The following PTPRT variants were observed in gnomAD, a reference collection of about 807,000 sequenced individuals.
PTPRT encodes the protein receptor-type tyrosine-protein phosphatase T.
A neutral mutation model predicts 176.8 loss-of-function variants in PTPRT; 56 were observed. The ratio of observed to expected loss-of-function variants is 0.32; its 90% CI spans 0.26 to 0.40. The LOEUF (loss-of-function observed/expected upper bound fraction) is 0.40. PTPRT is among the 10% of genes least tolerant of loss of function. The pLI is 1.00. For missense variants in PTPRT, 1,540 were observed against 1,908.2 expected, an observed-to-expected ratio of 0.81 and a Z score of 3.60; for synonymous variants, 783 against 739.0, an observed-to-expected ratio of 1.06 and a Z score of -0.96.
rs527521791 is a variant in PTPRT at position 42,408,032 on chromosome 20, CATGT to C, written c.1560+40184_1560+40187del. ...CCTGAACAAATTTTTTAAAATACCACATGTATGAATGAGCAAACTCAATATTATA... is the reference window on the plus strand; with the variant it reads ...CCTGAACAAATTTTTTAAAATACCACATGAATGAGCAAACTCAATATTATA... On this transcript the variant is annotated intron_variant, in intron 9 of 30. Coordinates refer to ENST00000373187, the MANE Select transcript of PTPRT (RefSeq NM_007050.6). Among the ~76,000 whole-genome samples the C allele has an allele frequency of 7.2e-5, 11 of 152,148 alleles. No homozygotes were observed. In the East Asian group the frequency reaches 2.1e-3, roughly 29 times the overall value.
chr20:42,657,064 T>C (rs1005410440), intron 7 of PTPRT, among the ~76,000 whole-genome samples: 2 of 152,132 alleles, frequency 1.3e-5, no homozygotes, highest in Admixed American at 1.3e-4. Flanking sequence ...GCCCCCATCC[T>C]GTTCTTGTGA....
At chr20:42,733,562 G>A (rs1049007992) in intron 6 of PTPRT, among the ~76,000 whole-genome samples, 1 of 152,190 alleles carries the variant, frequency 6.6e-6, no homozygotes, top group African/African-American at 2.4e-5. Flanking sequence ...TCGAACTGGA[G>A]CTGGCTGGGG....
At chr20:42,092,446 A>G (rs1282923027) in intron 27 of PTPRT, among the ~76,000 whole-genome samples, 1 of 152,246 alleles carries the variant, frequency 6.6e-6, no homozygotes, top group African/African-American at 2.4e-5. Context: ...TCTAGGTTAT[A>G]GTAATCTAAC....
intron 7 of PTPRT, among the ~76,000 whole-genome samples, chr20:42,505,332 C>G (rs886368961): frequency 6.6e-6 from 1 of 152,028 alleles, no homozygotes; most frequent in Non-Finnish European, 1.5e-5. Context: ...GATGGAGTCC[C>G]GCTCTGTCTC....
intron 11 of PTPRT, among the ~76,000 whole-genome samples, chr20:42,323,517 A>G (rs911619525): frequency 3.3e-5 from 5 of 152,032 alleles, no homozygotes; most frequent in Admixed American, 6.6e-5. Context: ...AGGACAAAAA[A>G]CCAAACACCG....
intron 9 of PTPRT, among the ~76,000 whole-genome samples, chr20:42,377,273 T>G (rs572448543): frequency 3.3e-5 from 5 of 152,152 alleles, no homozygotes; most frequent in Non-Finnish European, 7.4e-5. Flanking sequence ...ACCCCTGAGC[T>G]CAGGGTACAT....
intron 15 of PTPRT, among the ~76,000 whole-genome samples, chr20:42,231,690 G>T (rs1287721073): frequency 6.6e-6 from 1 of 152,142 alleles, no homozygotes; most frequent in Non-Finnish European, 1.5e-5. Flanking sequence ...GCCAAATCTG[G>T]CTCACTGCTT....
At chr20:42,510,977 T>C (rs1412576077) in intron 7 of PTPRT, among the ~76,000 whole-genome samples, 4 of 152,108 alleles carry the variant, frequency 2.6e-5, no homozygotes, top group African/African-American at 9.7e-5. Context: ...GGCTCTGCCC[T>C]GATGAATAGA....
intron 7 of PTPRT, among the ~76,000 whole-genome samples, chr20:42,642,154 G>T (rs1212351964): frequency 6.6e-6 from 1 of 152,166 alleles, no homozygotes; most frequent in East Asian, 1.9e-4. Flanking sequence ...CTGCAAGGCT[G>T]CCACTAAGAA....
chr20:42,938,358 C>G (rs1465652967), intron 1 of PTPRT, among the ~76,000 whole-genome samples: 1 of 152,222 alleles, frequency 6.6e-6, no homozygotes, highest in Admixed American at 6.5e-5. Context: ...TCCACCGAAG[C>G]ACCATTTTCT....
chr20:42,235,224 T>C (rs924288804), intron 15 of PTPRT, among the ~76,000 whole-genome samples: 2 of 152,004 alleles, frequency 1.3e-5, no homozygotes, highest in Non-Finnish European at 2.9e-5. Context: ...TACTATCATG[T>C]TTTGAGCATC....
chr20:42,681,284 C>T (rs938720326), intron 6 of PTPRT, among the ~76,000 whole-genome samples: 1 of 152,130 alleles, frequency 6.6e-6, no homozygotes. Flanking sequence ...AAAAGGAAAC[C>T]CCTGTGTATC....
chr20:42,417,193 A>T (rs2059074178), intron 9 of PTPRT, among the ~76,000 whole-genome samples: 1 of 152,136 alleles, frequency 6.6e-6, no homozygotes, highest in African/African-American at 2.4e-5. Context: ...TTGAGTAATG[A>T]TTCAAATTCA....
At chr20:42,036,069 A>C in the PTPRT span, among the ~76,000 whole-genome samples, 1 of 152,220 alleles carries the variant, frequency 6.6e-6, no homozygotes. Flanking sequence ...GTCCGACTGT[A>C]GCCTTCTGAG....
At chr20:42,921,147 G>A (rs990471895) in intron 1 of PTPRT, among the ~76,000 whole-genome samples, 1 of 152,202 alleles carries the variant, frequency 6.6e-6, no homozygotes, top group African/African-American at 2.4e-5. Context: ...ATGACAAGCA[G>A]GGGCTGGACA....
chr20:42,973,984 G>A (rs1228357166), intron 1 of PTPRT, among the ~76,000 whole-genome samples: 3 of 152,046 alleles, frequency 2.0e-5, no homozygotes, highest in Non-Finnish European at 2.9e-5. Flanking sequence ...AGAGTATTTG[G>A]GGAGACAGCT....
intron 16 of PTPRT, among the ~76,000 whole-genome samples, chr20:42,188,579 T>C (rs1328695310): frequency 1.3e-5 from 2 of 152,164 alleles, no homozygotes; most frequent in African/African-American, 2.4e-5. Context: ...AGTAGAATTA[T>C]TATCTATGTT....
At chr20:42,583,765 T>C (rs764551659) in intron 7 of PTPRT, among the ~76,000 whole-genome samples, 49 of 152,252 alleles carry the variant, frequency 3.2e-4, no homozygotes, top group Admixed American at 2.7e-3. Flanking sequence ...TAAACCTATA[T>C]AATATATTTA....
At chr20:42,031,970 T>A in the PTPRT span, among the ~76,000 whole-genome samples, 2 of 152,160 alleles carry the variant, frequency 1.3e-5, no homozygotes, top group South Asian at 4.1e-4. Flanking sequence ...TTATCACAAT[T>A]TTATAGATGA....
Sources: gnomAD v4.1 joint callset for allele counts (sites outside exome capture counted in the v4.1 genomes callset) on GRCh38, gnomAD v4.1.1 for gene constraint, MANE v1.5 for transcripts, NCBI Gene and HGNC (gene_info 2026-07-23, HGNC 2026-07-21) for gene names.